UBE3B: variants seen among roughly 807,000 people sequenced by gnomAD.
UBE3B encodes the protein ubiquitin protein ligase E3B, also known as ubiquitin-protein ligase E3B.
A neutral mutation model predicts 132.3 loss-of-function variants in UBE3B; 80 were observed. The ratio of observed to expected loss-of-function variants is 0.60; its 90% CI spans 0.50 to 0.73. UBE3B has a LOEUF of 0.73. UBE3B is among the 30% of genes least tolerant of loss of function. UBE3B has a pLI of 0.00. For missense variants in UBE3B, 1,196 were observed against 1,362.5 expected (o/e 0.88, Z 1.92); for synonymous variants, 487 against 520.4 (o/e 0.94, Z 0.87).
chr12:109,501,348 A>G, intron 12 of UBE3B, 23 bp from the exon 13 acceptor site: 1 of 1,613,172 alleles, frequency 6.2e-7, no homozygotes, highest in Non-Finnish European at 8.5e-7. Flanking sequence ...CTGACAGACC[A>G]GGTCTCCTCT....
the UBE3B span, among the ~76,000 whole-genome samples, chr12:109,547,087 CAA>C: frequency 0.17 from 25,476 of 152,020 alleles, 2,179 homozygotes; most frequent in African/African-American, 0.18. This position sits in a 1 kb window ranked among gnomAD's most constrained non-coding sequence, Gnocchi z 4.1. Flanking sequence ...GAAAATGAGA[CAA>C]AGAGCCCCAT....
rs1304903987 is a variant in UBE3B, at chr12:109,523,975, C to G, written c.2365-3C>G. On this transcript the variant is annotated splice_polypyrimidine_tract_variant and splice_region_variant and intron_variant, in intron 21 of 27. Coordinates refer to ENST00000342494, the MANE Select transcript of UBE3B (RefSeq NM_130466.4). ...GGACAGCTCTGCTTCTCTGCTCTCC[C>G]AGGGAATTGTGGTGGACGTGCCATT... 1 of 1,613,848 alleles carries G rather than the reference C, an allele frequency of 6.2e-7. No homozygotes were observed. The highest frequency in any genetic ancestry group is 1.7e-5 in the Admixed American group (1 of 60,026).
At chr12:109,481,089 A>G (rs867898782) in intron 1 of UBE3B, among the ~76,000 whole-genome samples, 8 of 150,874 alleles carry the variant, frequency 5.3e-5, no homozygotes, top group Middle Eastern at 6.8e-3. Flanking sequence ...TGGGCGACAG[A>G]GCAAGACTCC....
At chr12:109,489,860 C>G in intron 7 of UBE3B, 59 bp from the exon 8 acceptor site, 1 of 1,500,932 alleles carries the variant, frequency 6.7e-7, no homozygotes, top group African/African-American at 1.4e-5. Flanking sequence ...TCCTGTCCCA[C>G]ATAAACAGGT....
In UBE3B at chr12:109,534,034, C is replaced by G; in HGVS notation, c.3015+476C>G. The G allele has an allele frequency of 7.7e-7, 1 of 1,294,954 alleles. No homozygotes were observed. The highest frequency in any genetic ancestry group is 1.2e-5 in the South Asian group (1 of 81,086). 80.2% of individuals were successfully genotyped at this position (1,294,954 alleles called of 1,614,324 possible). On this transcript the variant is annotated intron_variant, in intron 27 of 27. Transcript: ENST00000342494. The surrounding 1 kb of genome is among the most constrained non-coding windows in gnomAD (Gnocchi z 5.2). ...CAGGGTTACGGAGCTCTGTGTGTCT[C>G]AAGCCTGGCCCACTGTGGGTGCTCA...
At chr12:109,526,474 T>C (rs1592965233) in intron 24 of UBE3B, 58 bp downstream of exon 24, 1 of 1,527,538 alleles carries the variant, frequency 6.5e-7, no homozygotes, top group East Asian at 2.2e-5. Flanking sequence ...ATTCTGGCTC[T>C]CTGCGCTTAT....
intron 4 of UBE3B, among the ~76,000 whole-genome samples, chr12:109,485,710 C>T (rs902270983): frequency 1.3e-5 from 2 of 152,172 alleles, no homozygotes; most frequent in Non-Finnish European, 2.9e-5. Flanking sequence ...GAATCCAAAT[C>T]CAGTTTGCCA....
chr12:109,530,466 C>T, intron 25 of UBE3B, 81 bp from the exon 26 acceptor site: 1 of 1,209,158 alleles, frequency 8.3e-7, no homozygotes, highest in South Asian at 1.2e-5. Context: ...TGGACCGTGC[C>T]AGCTGTCTGC....
chr12:109,494,032 C>T (rs1231583616), intron 9 of UBE3B, among the ~76,000 whole-genome samples: 1 of 152,184 alleles, frequency 6.6e-6, no homozygotes, highest in East Asian at 1.9e-4. Flanking sequence ...CACTATATTG[C>T]CCAGGCTGGT....
In UBE3B at chr12:109,530,614, C is replaced by G. The variant is rs753836842; in HGVS notation, c.2878C>G (p.Leu960Val). The G allele has an allele frequency of 2.5e-6, 4 of 1,614,094 alleles. No individual in the cohort carries two copies. The highest frequency in any genetic ancestry group is 3.4e-6 in the Non-Finnish European group (4 of 1,180,036). Reference sequence around the variant, plus strand: ...AGTCATCATCTGGCTCTGGGATATTCTGGCCTCCGACTTCACACCGGATGA... The same window carrying G: ...AGTCATCATCTGGCTCTGGGATATTGTGGCCTCCGACTTCACACCGGATGA... ...HRVIIWLWDI[L>V]ASDFTPDERA... Residue 960 changes from leucine to valine, a missense_variant, in exon 26 of 28, where the codon CTG (leucine) becomes GTG (valine). Transcript: ENST00000342494.
chr12:109,526,445 C>T (rs1450298020), intron 24 of UBE3B, 29 bp downstream of exon 24: 1 of 1,606,602 alleles, frequency 6.2e-7, no homozygotes, highest in East Asian at 2.2e-5. Context: ...TTTTTAAGGT[C>T]ACCACTTGAA....
rs776777512 is a variant in UBE3B at position 109,533,654 on chromosome 12, CA to C, written c.3015+97del. On this transcript the variant is annotated intron_variant, in intron 27 of 27. Transcript: ENST00000342494. The stretch of plus-strand genomic sequence containing the variant: ...CAAGGCCCTTATCTAGTCCATATCT[CA>C]GCAAGGCAGGCAGCTGGACCCCTCA... 9.0e-6 allele frequency: 11 copies of C among 1,224,746 alleles called. No homozygotes were observed. In the South Asian group the frequency reaches 1.3e-4, roughly 15 times the overall value. 75.9% of individuals were successfully genotyped at this position (1,224,746 alleles called of 1,614,324 possible).
At chr12:109,510,508 AC>A in intron 17 of UBE3B, 50 bp downstream of exon 17, 1 of 1,459,266 alleles carries the variant, frequency 6.9e-7, no homozygotes, top group South Asian at 1.2e-5. Context: ...CTGCTCCGGC[AC>A]GCTGCCCGAG....
rs1241645982 is a variant in UBE3B, at chr12:109,535,149, T to C, written c.*367T>C. ...GAACAAGTCCCAGGAGTTCCAAGAGTCTAGAGTGGTTTTTGCAGCATGGGT... is the reference window on the plus strand; with the variant it reads ...GAACAAGTCCCAGGAGTTCCAAGAGCCTAGAGTGGTTTTTGCAGCATGGGT... On this transcript the variant is annotated 3_prime_UTR_variant, in exon 28 of 28. Transcript: ENST00000342494. 3.3e-5 allele frequency: 6 copies of C among 180,568 alleles called. No individual in the cohort carries two copies. The highest frequency in any genetic ancestry group is 6.8e-5 in the Non-Finnish European group (6 of 87,638). 11.2% of individuals were successfully genotyped at this position (180,568 alleles called of 1,614,324 possible). A position where few individuals can be genotyped will look rare whatever the true frequency, so the allele number is the denominator to read the frequency against.
At chr12:109,543,203 T>C in the UBE3B span, among the ~76,000 whole-genome samples, 4 of 152,262 alleles carry the variant, frequency 2.6e-5, no homozygotes, top group Non-Finnish European at 5.9e-5. Flanking sequence ...GCGTGTGGCT[T>C]GTCTGAACAC....
the UBE3B span, among the ~76,000 whole-genome samples, chr12:109,542,990 A>G: frequency 1.3e-5 from 2 of 152,134 alleles, no homozygotes; most frequent in African/African-American, 4.8e-5. Context: ...GCTGGTGGGC[A>G]TCACAGGAAC....
At chr12:109,503,783 AGTT>A (rs1446608250) in intron 14 of UBE3B, among the ~76,000 whole-genome samples, 9 of 152,326 alleles carry the variant, frequency 5.9e-5, no homozygotes, top group African/African-American at 7.2e-5. Context: ...GTTGCAGCAC[AGTT>A]GTTGTTATGA....
At position 109,529,895 on chromosome 12, in the gene UBE3B, G is replaced by T. The variant is rs1882770235; in HGVS notation, c.2633G>T (p.Ser878Ile). 1.2e-6 allele frequency: 2 copies of T among 1,614,172 alleles called. No homozygotes were observed. The highest frequency in any genetic ancestry group is 2.7e-5 in the African/African-American group (2 of 75,042). Residue 878 changes from serine (S) to isoleucine (I), a missense_variant, in exon 25 of 28, where the codon AGC becomes ATC. Physicochemically the swap from Ser to Ile is moderately radical, Grantham distance 142 (BLOSUM62 -2). Transcript: ENST00000342494. ...CTCTTCCTTGTTGGCAACAGAATTA[G>T]CTACATCCATCTGATGGCACATTTT... ...TIPVTNENKI[S>I]YIHLMAHFRM... is the part of the protein sequence containing the mutation.
chr12:109,546,437 C>A, the UBE3B span, among the ~76,000 whole-genome samples: 1 of 152,190 alleles, frequency 6.6e-6, no homozygotes, highest in Non-Finnish European at 1.5e-5. Context: ...GCCCAGGCCA[C>A]AAGCAGAATG....
Sources: gnomAD v4.1 joint callset for allele counts (sites outside exome capture counted in the v4.1 genomes callset) on GRCh38, gnomAD v4.1.1 for gene constraint, Gnocchi (gnomAD v3.1) non-coding constraint, MANE v1.5 for transcripts, NCBI Gene and HGNC (gene_info 2026-07-23, HGNC 2026-07-21) for gene names.